Variants in SH3KBP1 observed in about 807,000 individuals in gnomAD.
SH3KBP1 encodes the protein SH3 domain containing kinase binding protein 1.
Under a neutral mutation model 50.1 loss-of-function variants are expected in SH3KBP1, and 8 were observed. The observed-to-expected ratio is 0.16, with a 90% CI of 0.09 to 0.29. The LOEUF is 0.29. Ranked by LOEUF, SH3KBP1 falls within the 10% of genes least tolerant of loss-of-function variation. The pLI, the probability that SH3KBP1 is intolerant of heterozygous loss-of-function variation, is 1.00. For missense variants in SH3KBP1, 377 were observed against 535.2 expected, an observed-to-expected ratio of 0.70 and a Z score of 2.92; for synonymous variants, 227 against 218.6, an observed-to-expected ratio of 1.04 and a Z score of -0.34.
intron 2 of SH3KBP1, among the ~76,000 whole-genome samples, chrX:19,779,445 A>G (rs1261399356): frequency 1.9e-5 from 2 of 107,186 alleles, no homozygotes; most frequent in African/African-American, 6.8e-5. Flanking sequence ...TTTTTATTAT[A>G]CTTTAAGTTT....
intron 1 of SH3KBP1, among the ~76,000 whole-genome samples, chrX:19,860,244 C>T (rs1008710757): frequency 2.1e-5 from 2 of 94,343 alleles, no homozygotes; most frequent in Non-Finnish European, 4.1e-5. Flanking sequence ...ACAGTGACTG[C>T]ACTCCAGCCT....
At chrX:19,553,358 G>A (rs1282457619) in intron 13 of SH3KBP1, among the ~76,000 whole-genome samples, 1 of 111,512 alleles carries the variant, frequency 9.0e-6, no homozygotes, top group Admixed American at 9.5e-5. Context: ...TTCAGAATGT[G>A]TGAGGTGGCA....
At chrX:19,748,474 G>A (rs1360388224) in intron 2 of SH3KBP1, among the ~76,000 whole-genome samples, 3 of 111,327 alleles carry the variant, frequency 2.7e-5, no homozygotes, top group Non-Finnish European at 5.7e-5. Flanking sequence ...GTCTGATCAA[G>A]AGCAGGTGCT....
chrX:19,569,248 C>T lies in SH3KBP1; in HGVS notation c.1299-60G>A, dbSNP rs1301895336. On this transcript the variant is annotated intron_variant, in intron 12 of 17. Coordinates refer to ENST00000397821, the MANE Select transcript of SH3KBP1 (RefSeq NM_031892.3). ...TTGGTGTGTGTCCTTGTCATTCTGT[C>T]AGTTTTCTTGCTGCACACGTTAAGG... 35 of 1,016,930 alleles carry T rather than the reference C, an allele frequency of 3.4e-5. No homozygotes were observed. The Admixed American group carries it at 7.5e-4, about 22-fold the overall frequency. 83.8% of individuals were successfully genotyped at this position (1,016,930 alleles called of 1,213,427 possible).
chrX:19,613,600 G>A (rs1227388173), intron 8 of SH3KBP1, among the ~76,000 whole-genome samples: 1 of 112,552 alleles, frequency 8.9e-6, no homozygotes, highest in Non-Finnish European at 1.9e-5. Context: ...AGATATTAGG[G>A]TAACATATAC....
intron 2 of SH3KBP1, among the ~76,000 whole-genome samples, chrX:19,824,406 G>A (rs866994614): frequency 2.8e-4 from 31 of 111,515 alleles, no homozygotes; most frequent in African/African-American, 8.8e-4. Flanking sequence ...GAATGCCCAA[G>A]CTTTAGATCA....
At chrX:19,563,159 G>T (rs1241341047) in intron 13 of SH3KBP1, among the ~76,000 whole-genome samples, 3 of 112,171 alleles carry the variant, frequency 2.7e-5, no homozygotes, top group Non-Finnish European at 5.6e-5. Flanking sequence ...CCTGTGCAAG[G>T]TGCACAGGCA....
intron 2 of SH3KBP1, among the ~76,000 whole-genome samples, chrX:19,820,258 C>G (rs1469609440): frequency 8.9e-6 from 1 of 112,144 alleles, no homozygotes. Context: ...CTTCTATACC[C>G]TTGCTGATTT....
chrX:19,769,070 T>C (rs2065704552), intron 2 of SH3KBP1, among the ~76,000 whole-genome samples: 1 of 100,868 alleles, frequency 9.9e-6, no homozygotes, highest in Non-Finnish European at 2.0e-5. Flanking sequence ...TACAGCTGCG[T>C]TATAATTTTT....
chrX:19,657,952 A>T (rs2062334528), intron 6 of SH3KBP1, among the ~76,000 whole-genome samples: 1 of 110,223 alleles, frequency 9.1e-6, no homozygotes, highest in Non-Finnish European at 1.9e-5. Flanking sequence ...ATAGAGTTTC[A>T]ATTTTGCAAG....
At chrX:19,738,045 GAT>G (rs1278478334) in intron 3 of SH3KBP1, among the ~76,000 whole-genome samples, 1 of 111,980 alleles carries the variant, frequency 8.9e-6, no homozygotes, top group Non-Finnish European at 1.9e-5. Flanking sequence ...TTATCTTGGG[GAT>G]GCTTACAGAG....
chrX:19,579,300 G>A (rs1289225275), intron 12 of SH3KBP1, among the ~76,000 whole-genome samples: 1 of 111,734 alleles, frequency 8.9e-6, no homozygotes, highest in African/African-American at 3.3e-5. Context: ...AATCCACTAT[G>A]GCACAAGGAT....
intron 12 of SH3KBP1, among the ~76,000 whole-genome samples, chrX:19,579,288 G>T (rs2066292942): frequency 8.9e-6 from 1 of 111,854 alleles, no homozygotes; most frequent in Admixed American, 9.5e-5. Flanking sequence ...GACAAGCCCT[G>T]CAATCCACTA....
intron 6 of SH3KBP1, among the ~76,000 whole-genome samples, chrX:19,660,178 A>G (rs963827114): frequency 1.8e-5 from 2 of 112,422 alleles, no homozygotes; most frequent in African/African-American, 6.5e-5. Context: ...GAAGCTACTT[A>G]ACCTCTCTGT....
intron 8 of SH3KBP1, among the ~76,000 whole-genome samples, chrX:19,618,952 G>A (rs1205159437): frequency 2.1e-5 from 2 of 96,770 alleles, no homozygotes; most frequent in Non-Finnish European, 4.0e-5. Flanking sequence ...GGTGACAAGA[G>A]TGAGACCCTG....
At chrX:19,735,367 C>G (rs1269955044) in intron 3 of SH3KBP1, among the ~76,000 whole-genome samples, 1 of 109,696 alleles carries the variant, frequency 9.1e-6, no homozygotes, top group Non-Finnish European at 1.9e-5. Context: ...GCTTGCTTTT[C>G]TTTTCTAGTT....
chrX:19,645,620 C>A, intron 6 of SH3KBP1, 145 bp from the exon 7 acceptor site: 1 of 449,051 alleles, frequency 2.2e-6, no homozygotes. Context: ...TGTATACTGG[C>A]TGCCCCCCTT....
chrX:19,676,417 G>C (rs145133487), intron 6 of SH3KBP1, among the ~76,000 whole-genome samples: 2 of 111,476 alleles, frequency 1.8e-5, no homozygotes, highest in Non-Finnish European at 3.8e-5. Flanking sequence ...GAATGAATAA[G>C]ACCTACTGTT....
rs781688936 is a variant in SH3KBP1, at chrX:19,830,462, A to G, written c.162+5663T>C. 7.1e-5 allele frequency among the ~76,000 whole-genome samples: 8 copies of G among 112,078 alleles called. No homozygotes were observed. In the East Asian group the frequency reaches 2.0e-3, roughly 27 times the overall value. On this transcript the variant is annotated intron_variant, in intron 2 of 17. Coordinates refer to ENST00000397821, the MANE Select transcript of SH3KBP1 (RefSeq NM_031892.3). Reference sequence around the variant, plus strand: ...GGGATAAAGAAAAATGTATTCCAAAATAAGTGGGTGGGGGCCAGGCATAGT... The same window carrying G: ...GGGATAAAGAAAAATGTATTCCAAAGTAAGTGGGTGGGGGCCAGGCATAGT...
Sources: gnomAD v4.1 joint callset for allele counts (sites outside exome capture counted in the v4.1 genomes callset) on GRCh38, gnomAD v4.1.1 for gene constraint, MANE v1.5 for transcripts, NCBI Gene and HGNC (gene_info 2026-07-23, HGNC 2026-07-21) for gene names.